Variants in MAGI2 observed in about 807,000 individuals in gnomAD.
The protein encoded by MAGI2 is membrane associated guanylate kinase, WW and PDZ domain containing 2.
In MAGI2, 35 loss-of-function variants were observed where a neutral mutation model predicts 133.3. The ratio of observed to expected loss-of-function variants is 0.26; its 90% CI spans 0.20 to 0.35. MAGI2 has a LOEUF of 0.35. MAGI2 is among the 10% of genes least tolerant of loss of function. The pLI is 1.00. For synonymous variants in MAGI2, 729 were observed against 710.6 expected (o/e 1.03, Z -0.41); for missense variants, 1,636 against 1,863.4 (o/e 0.88, Z 2.25).
chr7:78,626,778 C>T (rs1808396626), intron 3 of MAGI2, among the ~76,000 whole-genome samples: 1 of 151,342 alleles, frequency 6.6e-6, no homozygotes, highest in Non-Finnish European at 1.5e-5. Context: ...GACGTTTTAT[C>T]TGAGAGATCA....
At chr7:79,375,854 A>G (rs7455557) in intron 1 of MAGI2, among the ~76,000 whole-genome samples, 22,037 of 151,920 alleles carry the variant, frequency 0.15, 1,701 homozygotes, top group South Asian at 0.25. Flanking sequence ...TTAAAATATT[A>G]AATACCTTTT....
chr7:79,380,554 T>C (rs1345884911), intron 1 of MAGI2, among the ~76,000 whole-genome samples: 1 of 151,626 alleles, frequency 6.6e-6, no homozygotes, highest in Non-Finnish European at 1.5e-5. Context: ...CAGGAAAGAG[T>C]TATTGTTAAT....
chr7:78,694,481 A>T, intron 2 of MAGI2, among the ~76,000 whole-genome samples: 1 of 152,172 alleles, frequency 6.6e-6, no homozygotes, highest in South Asian at 2.1e-4. Flanking sequence ...TGCTCAAATG[A>T]TAAATCAGAG....
intron 1 of MAGI2, among the ~76,000 whole-genome samples, chr7:79,195,701 G>A (rs184193085): frequency 3.3e-5 from 5 of 151,832 alleles, no homozygotes; most frequent in Admixed American, 2.0e-4. Flanking sequence ...TTAATTCTGC[G>A]CACTTCTCCT....
chr7:78,341,519 G>C (rs1439730075), intron 9 of MAGI2, among the ~76,000 whole-genome samples: 1 of 152,106 alleles, frequency 6.6e-6, no homozygotes, highest in South Asian at 2.1e-4. Flanking sequence ...TAAGCAAAAA[G>C]AATAAAGCTG....
At chr7:78,618,790 T>C (rs1473761249) in intron 3 of MAGI2, 2 of 151,748 alleles carry the variant, frequency 1.3e-5, no homozygotes, top group Admixed American at 1.3e-4. Flanking sequence ...TACGACATGA[T>C]TTCACTTACA....
Position 78,050,948 on chromosome 7 carries a change from C to T in MAGI2, c.3706+27999G>A, listed in dbSNP as rs2151108103. 1.3e-5 allele frequency among the ~76,000 whole-genome samples: 2 copies of T among 152,348 alleles called. 1 individual carries two copies. Among genetic ancestry groups the T allele is most frequent in the Middle Eastern group, 6.8e-3 (2 of 294 alleles). On this transcript the variant is annotated intron_variant, in intron 21 of 21. Transcript: ENST00000354212. Reference sequence around the variant, plus strand: ...ACACTCAGTTAATAGGAACAGGCCACACAACTCTCCACCTTGCCCAGTGAT... The same window carrying T: ...ACACTCAGTTAATAGGAACAGGCCATACAACTCTCCACCTTGCCCAGTGAT...
chr7:79,401,178 ACACCCCAG>A lies in MAGI2; in HGVS notation c.301+51834_301+51841del, dbSNP rs995945575. On this transcript the variant is annotated intron_variant, in intron 1 of 21. Transcript: ENST00000354212. Reference sequence around the variant, plus strand: ...CAAATACAAATGTTTAAAACTTACAACACCCCAGCAAATAATGTTGATTTGTGTATAGA... The same window carrying A: ...CAAATACAAATGTTTAAAACTTACAACAAATAATGTTGATTTGTGTATAGA... Among the ~76,000 whole-genome samples, 150 of 152,298 alleles carry A rather than the reference ACACCCCAG, an allele frequency of 9.8e-4. 1 individual carries two copies. Among genetic ancestry groups the A allele is most frequent in the African/African-American group, 3.4e-3 (141 of 41,576 alleles).
chr7:78,978,245 T>C (rs1180860980), intron 2 of MAGI2, among the ~76,000 whole-genome samples: 1 of 151,926 alleles, frequency 6.6e-6, no homozygotes, highest in African/African-American at 2.4e-5. Flanking sequence ...CCTATCACAA[T>C]TGCCAAAACC....
intron 1 of MAGI2, among the ~76,000 whole-genome samples, chr7:79,338,467 CAT>C (rs1479176428): frequency 3.9e-5 from 6 of 152,078 alleles, no homozygotes; most frequent in Non-Finnish European, 7.4e-5. Flanking sequence ...CATGCAGTAA[CAT>C]GTGTATTTCC....
rs192366224 is a variant in MAGI2, at chr7:79,374,077, T to C, written c.301+78943A>G. ...AGTTATGGAAGCAAAGAATATGATATGGTACACAAACACACCTACATACCA... is the reference window on the plus strand; with the variant it reads ...AGTTATGGAAGCAAAGAATATGATACGGTACACAAACACACCTACATACCA... On this transcript the variant is annotated intron_variant, in intron 1 of 21. Transcript: ENST00000354212. Among the ~76,000 whole-genome samples the C allele has an allele frequency of 8.7e-4, 132 of 152,136 alleles. 1 individual carries two copies. The highest frequency in any genetic ancestry group is 1.2e-3 in the Non-Finnish European group (82 of 67,964).
intron 6 of MAGI2, among the ~76,000 whole-genome samples, chr7:78,369,838 A>G (rs966286421): frequency 1.3e-5 from 2 of 151,706 alleles, no homozygotes; most frequent in African/African-American, 4.8e-5. Context: ...ATTTTAATTC[A>G]CACACACACA....
In MAGI2 at chr7:79,219,952, A is replaced by AT. The variant is rs890130020; in HGVS notation, c.302-212747dup. Reference sequence around the variant, plus strand: ...CTGGGGCTAATAAATAATACACACGATTTTTTTTTGTTCTTATCCTCACAA... The same window carrying AT: ...CTGGGGCTAATAAATAATACACACGATTTTTTTTTTGTTCTTATCCTCACAA... On this transcript the variant is annotated intron_variant, in intron 1 of 21. Coordinates refer to ENST00000354212, the MANE Select transcript of MAGI2 (RefSeq NM_012301.4). Among the ~76,000 whole-genome samples, 71 of 151,584 alleles carry AT rather than the reference A, an allele frequency of 4.7e-4. No individual in the cohort carries two copies. In the East Asian group the frequency reaches 6.6e-3, roughly 14 times the overall value.
chr7:79,332,067 G>A (rs931045287), intron 1 of MAGI2, among the ~76,000 whole-genome samples: 10 of 152,058 alleles, frequency 6.6e-5, no homozygotes, highest in Admixed American at 6.6e-4. Context: ...TTAACACATA[G>A]TATCTTCTTT....
chr7:78,474,908 A>G (rs190468296), intron 6 of MAGI2, among the ~76,000 whole-genome samples: 2 of 151,850 alleles, frequency 1.3e-5, no homozygotes, highest in East Asian at 3.9e-4. Context: ...TTTGCTAAAA[A>G]CTCACTTAAA....
At chr7:78,799,334 A>G (rs1357534732) in intron 2 of MAGI2, among the ~76,000 whole-genome samples, 2 of 152,184 alleles carry the variant, frequency 1.3e-5, no homozygotes, top group Non-Finnish European at 2.9e-5. Flanking sequence ...ATGAGCACCA[A>G]ATGTAAACTC....
At chr7:78,669,024 G>A (rs556741156) in intron 2 of MAGI2, among the ~76,000 whole-genome samples, 2,013 of 151,302 alleles carry the variant, frequency 0.013, 57 homozygotes, top group African/African-American at 0.047. Context: ...GAAAAGCAAG[G>A]GCAAACACAT....
intron 1 of MAGI2, among the ~76,000 whole-genome samples, chr7:79,119,857 C>CA (rs1297942173): frequency 6.6e-6 from 1 of 151,944 alleles, no homozygotes; most frequent in African/African-American, 2.4e-5. Flanking sequence ...GCTAGGGTTT[C>CA]AAAAAATAAA....
intron 2 of MAGI2, among the ~76,000 whole-genome samples, chr7:78,868,045 A>G (rs1245214410): frequency 6.6e-6 from 1 of 152,218 alleles, no homozygotes; most frequent in Non-Finnish European, 1.5e-5. Flanking sequence ...AGCAACTAAA[A>G]TTCAAAGCAG....
Sources: allele counts gnomAD v4.1 joint callset (sites outside exome capture counted in the v4.1 genomes callset), GRCh38; gene constraint gnomAD v4.1.1; transcripts MANE v1.5; gene names NCBI Gene and HGNC (gene_info 2026-07-23, HGNC 2026-07-21).